Variants in SCIMP observed in about 807,000 individuals in gnomAD.
The protein encoded by SCIMP is SLP adaptor and CSK interacting membrane protein.
A neutral mutation model predicts 22.0 loss-of-function variants in SCIMP; 18 were observed. That is an observed-to-expected ratio of 0.82 (90% CI 0.56 to 1.21). The LOEUF is 1.21. SCIMP is among the 50% of genes most tolerant of loss of function. The pLI is 0.00. For synonymous variants in SCIMP, 53 were observed against 62.2 expected, an observed-to-expected ratio of 0.85 and a Z score of 0.70; for missense variants, 155 against 171.2, an observed-to-expected ratio of 0.91 and a Z score of 0.53.
intron 3 of SCIMP, chr17:5,215,295 T>C: frequency 3.5e-6 from 1 of 286,534 alleles, no homozygotes; most frequent in South Asian, 5.5e-5. Context: ...TTCGGAGAGG[T>C]AGGCACCAGA....
At chr17:5,229,478 C>G (rs971975744) in intron 1 of SCIMP, among the ~76,000 whole-genome samples, 2 of 147,682 alleles carry the variant, frequency 1.4e-5, no homozygotes, top group Admixed American at 1.4e-4. Context: ...ACTGCAACCT[C>G]CATCTCCCCG....
chr17:5,227,920 A>T (rs1406470370), intron 1 of SCIMP, among the ~76,000 whole-genome samples: 2 of 152,098 alleles, frequency 1.3e-5, no homozygotes, highest in African/African-American at 4.8e-5. Flanking sequence ...CATGCCTGTA[A>T]TCCCAGCACT....
At chr17:5,224,613 C>T (rs1156571274) in intron 1 of SCIMP, among the ~76,000 whole-genome samples, 2 of 151,820 alleles carry the variant, frequency 1.3e-5, no homozygotes, top group African/African-American at 2.4e-5. Flanking sequence ...TGTGCCACCT[C>T]GCCTGGCTAA....
Position 5,234,810 on chromosome 17 carries a change from T to C in SCIMP, c.-55A>G. On this transcript the variant is annotated 5_prime_UTR_variant, in exon 1 of 5. Coordinates refer to ENST00000574081, the MANE Select transcript of SCIMP (RefSeq NM_207103.3). ...TGGAGTGCTGCAGCTCAGGCACAGC[T>C]GGTGAGAGGCATTCCTCACTCACAG... 30 of 1,585,188 alleles carry C rather than the reference T, an allele frequency of 1.9e-5. No homozygotes were observed. Among genetic ancestry groups the C allele is most frequent in the Non-Finnish European group, 2.6e-5 (30 of 1,165,344 alleles).
chr17:5,218,022 C>A (rs923169506), intron 3 of SCIMP, among the ~76,000 whole-genome samples: 7 of 151,998 alleles, frequency 4.6e-5, no homozygotes, highest in Non-Finnish European at 1.0e-4. Flanking sequence ...AGTTTACCGT[C>A]CCACCAACAT....
Position 5,210,675 on chromosome 17 carries a change from G to C in SCIMP, c.*126C>G. 4 of 1,282,704 alleles carry C rather than the reference G, an allele frequency of 3.1e-6. No homozygotes were observed. Among genetic ancestry groups the C allele is most frequent in the Non-Finnish European group, 4.3e-6 (4 of 936,622 alleles). The allele number at this position is 1,282,704 out of a possible 1,614,324, so 79.5% of individuals were successfully genotyped here. On this transcript the variant is annotated 3_prime_UTR_variant, in exon 5 of 5. Transcript: ENST00000574081. The stretch of plus-strand genomic sequence containing the variant: ...GGTTTGGGAAGTGCTTTATCTTATA[G>C]AGCTTCATAAAATCACCACTGGCTT...
chr17:5,215,084 T>G (rs1196047824), intron 3 of SCIMP, 86 bp from the exon 4 acceptor site: 1 of 821,254 alleles, frequency 1.2e-6, no homozygotes. Flanking sequence ...TCAAGGAAAG[T>G]GAATGGGTTG....
At chr17:5,213,656 G>A (rs557049626) in intron 4 of SCIMP, 38 of 152,220 alleles carry the variant, frequency 2.5e-4, no homozygotes, top group African/African-American at 9.2e-4. Flanking sequence ...AGACGAGCCT[G>A]GTCAATATGG....
chr17:5,211,758 A>G (rs2074527156), intron 4 of SCIMP, among the ~76,000 whole-genome samples: 1 of 152,234 alleles, frequency 6.6e-6, no homozygotes, highest in African/African-American at 2.4e-5. Flanking sequence ...GAATTAGTAC[A>G]GAACAGGTTC....
At chr17:5,233,193 C>T (rs1432995677) in intron 1 of SCIMP, among the ~76,000 whole-genome samples, 1 of 152,126 alleles carries the variant, frequency 6.6e-6, no homozygotes, top group Non-Finnish European at 1.5e-5. Context: ...CCTCATTCCT[C>T]TTTCTCCCAT....
intron 1 of SCIMP, among the ~76,000 whole-genome samples, chr17:5,224,010 G>T (rs1005178897): frequency 4.6e-5 from 7 of 152,202 alleles, no homozygotes; most frequent in Non-Finnish European, 1.0e-4. Context: ...ACTTCACTGA[G>T]GTTTGTGAGG....
At chr17:5,219,327 CA>C (rs567451524) in intron 3 of SCIMP, among the ~76,000 whole-genome samples, 10 of 145,304 alleles carry the variant, frequency 6.9e-5, no homozygotes, top group East Asian at 2.1e-4. Flanking sequence ...TCAACAACAA[CA>C]AAAAAAGTGT....
intron 1 of SCIMP, among the ~76,000 whole-genome samples, chr17:5,225,960 C>CT (rs2074645348): frequency 6.6e-6 from 1 of 152,122 alleles, no homozygotes; most frequent in Non-Finnish European, 1.5e-5. Context: ...GAACACCCAG[C>CT]TGGTGTTCAC....
chr17:5,232,239 AG>A (rs1028739849), intron 1 of SCIMP, among the ~76,000 whole-genome samples: 2 of 151,914 alleles, frequency 1.3e-5, no homozygotes, highest in African/African-American at 4.8e-5. Context: ...ATGCGTTACA[AG>A]CCCCTCTGGT....
At chr17:5,229,261 G>A (rs1464211508) in intron 1 of SCIMP, among the ~76,000 whole-genome samples, 1 of 152,100 alleles carries the variant, frequency 6.6e-6, no homozygotes, top group Non-Finnish European at 1.5e-5. Context: ...GAGTGGGAGA[G>A]CAACTGAAGG....
chr17:5,224,557 A>G (rs1054578137), intron 1 of SCIMP, among the ~76,000 whole-genome samples: 5 of 150,650 alleles, frequency 3.3e-5, no homozygotes, highest in Admixed American at 6.6e-5. Flanking sequence ...CTGCCTCCCA[A>G]GCAATTCTCC....
chr17:5,215,042 A>G, intron 3 of SCIMP, 44 bp from the exon 4 acceptor site: 2 of 1,242,796 alleles, frequency 1.6e-6, no homozygotes, highest in South Asian at 1.2e-5. Flanking sequence ...GGTTTGGGCC[A>G]TGCCTGCTCC....
intron 3 of SCIMP, among the ~76,000 whole-genome samples, chr17:5,217,301 C>T (rs751329688): frequency 5.3e-5 from 8 of 152,032 alleles, no homozygotes; most frequent in South Asian, 2.1e-4. Flanking sequence ...GAAAGTCACC[C>T]GGTTCCAAAT....
At chr17:5,213,256 T>TC (rs1347482403) in intron 4 of SCIMP, 7 of 933,712 alleles carry the variant, frequency 7.5e-6, no homozygotes, top group African/African-American at 2.2e-5. Flanking sequence ...TGCTTTTCCA[T>TC]CCCTTTTTTT....
Sources: allele counts gnomAD v4.1 joint callset (sites outside exome capture counted in the v4.1 genomes callset), GRCh38; gene constraint gnomAD v4.1.1; transcripts MANE v1.5; gene names NCBI Gene and HGNC (gene_info 2026-07-23, HGNC 2026-07-21).